The following PHF3 variants were observed in gnomAD, a reference collection of about 807,000 sequenced individuals.
PHF3 encodes PHD finger protein 3.
PHF3 carries 41 observed loss-of-function variants against 178.4 expected under a neutral mutation model. That is an observed-to-expected ratio of 0.23 (90% CI 0.18 to 0.30). The LOEUF is 0.30. Ranked by LOEUF, PHF3 falls within the 10% of genes least tolerant of loss-of-function variation. PHF3 has a pLI of 1.00. For synonymous variants in PHF3, 842 were observed against 800.5 expected, an observed-to-expected ratio of 1.05 and a Z score of -0.88; for missense variants, 2,346 against 2,398.1, an observed-to-expected ratio of 0.98 and a Z score of 0.45.
rs1307689142 is a variant in PHF3, at chr6:63,722,358, C to G, written c.*8650C>G. 1.3e-5 allele frequency among the ~76,000 whole-genome samples: 2 copies of G among 151,608 alleles called. No homozygotes were observed. Among genetic ancestry groups the G allele is most frequent in the Non-Finnish European group, 3.0e-5 (2 of 67,602 alleles). ...CAGGTTTCAGATCAAGTGTCACTTC[C>G]TCAGAGAAGTTTTCCTTGATTTCCC... is the stretch of plus-strand genomic sequence containing the variant. On this transcript the variant is annotated 3_prime_UTR_variant, in exon 16 of 16. Coordinates refer to ENST00000262043, the MANE Select transcript of PHF3 (RefSeq NM_001370348.2).
intron 1 of PHF3, among the ~76,000 whole-genome samples, chr6:63,640,415 A>G (rs536151098): frequency 8.5e-5 from 13 of 152,144 alleles, no homozygotes; most frequent in Non-Finnish European, 1.5e-5. Context: ...AACTTTGCTA[A>G]ACTTTAGCCC....
chr6:63,675,601 G>A (rs1255134461), intron 2 of PHF3, among the ~76,000 whole-genome samples: 2 of 152,160 alleles, frequency 1.3e-5, no homozygotes, highest in Non-Finnish European at 2.9e-5. Flanking sequence ...AAGGAAGTGT[G>A]TTGTCAGGAG....
At chr6:63,702,777 T>G (rs1767529548) in intron 10 of PHF3, 138 bp downstream of exon 10, 1 of 829,512 alleles carries the variant, frequency 1.2e-6, no homozygotes, top group Admixed American at 2.8e-5. Context: ...ATTGGTTTAG[T>G]GGTTTTTTGA....
intron 7 of PHF3, 26 bp from the exon 8 acceptor site, chr6:63,698,423 A>G (rs1430082024): frequency 1.3e-6 from 2 of 1,585,026 alleles, no homozygotes; most frequent in East Asian, 4.5e-5. Context: ...ACATTTGAAA[A>G]ATAATTGAAT....
At chr6:63,686,301 A>AT (rs1034769366) in intron 4 of PHF3, 1 of 170,016 alleles carries the variant, frequency 5.9e-6, no homozygotes, top group African/African-American at 2.4e-5. Context: ...AACTAGTAAT[A>AT]AAGTATGAAG....
At chr6:63,701,878 T>C (rs1767492210) in intron 9 of PHF3, among the ~76,000 whole-genome samples, 1 of 152,196 alleles carries the variant, frequency 6.6e-6, no homozygotes, top group Non-Finnish European at 1.5e-5. Flanking sequence ...ATGTACCTGA[T>C]TTTTCTTTAA....
In PHF3 at chr6:63,721,616, T is replaced by G; in HGVS notation, c.*7908T>G. The G allele has an allele frequency of 6.4e-7, 1 of 1,551,460 alleles. No individual in the cohort carries two copies. The highest frequency in any genetic ancestry group is 8.7e-7 in the Non-Finnish European group (1 of 1,146,660). On this transcript the variant is annotated 3_prime_UTR_variant, in exon 16 of 16. Coordinates refer to ENST00000262043, the MANE Select transcript of PHF3 (RefSeq NM_001370348.2). ...AACTCATTTTAGTGGAGGCCTTTTC[T>G]GTTACATTTATCCCATCTAGATCCA... is the stretch of plus-strand genomic sequence containing the variant.
At chr6:63,709,486 G>GT (rs1015192595) in intron 14 of PHF3, among the ~76,000 whole-genome samples, 1 of 151,788 alleles carries the variant, frequency 6.6e-6, no homozygotes, top group Non-Finnish European at 1.5e-5. Context: ...TAGAAGAAAT[G>GT]TTTTAGAGTA....
rs750577692 is a variant in PHF3, at chr6:63,684,546, A to G, written c.824A>G (p.Glu275Gly). The G allele has an allele frequency of 1.2e-5, 20 of 1,613,550 alleles. No individual in the cohort carries two copies. The highest frequency in any genetic ancestry group is 1.1e-4 in the East Asian group (5 of 44,878). The change falls in exon 4 of 16, where the codon GAA (glutamate) becomes GGA (glycine). Residue 275 changes from glutamate (E) to glycine (G), a missense_variant. Physicochemically the swap from Glu to Gly is moderately conservative, Grantham distance 98. Around this residue, in one of 8 missense-constraint regions of PHF3, gnomAD observed 843 missense variants for 795.2 expected, o/e 1.06. Coordinates refer to ENST00000262043, the MANE Select transcript of PHF3 (RefSeq NM_001370348.2). ...IGEKKNEALM[E>G]CKAKPVGSPL... ...GAAAAGAAAAATGAAGCTTTGATGGAATGTAAAGCCAAGCCTGTTGGTAGT... is the reference window on the plus strand; with the variant it reads ...GAAAAGAAAAATGAAGCTTTGATGGGATGTAAAGCCAAGCCTGTTGGTAGT...
rs754930351 is a variant in PHF3 at position 63,711,149 on chromosome 6, T to C, written c.3802-18T>C. The C allele has an allele frequency of 1.9e-6, 3 of 1,551,322 alleles. No homozygotes were observed. The highest frequency in any genetic ancestry group is 2.6e-6 in the Non-Finnish European group (3 of 1,146,388). ...TAGCTTATTACCTTAAACAATTATT[T>C]GTTATTTTCTTGAACAGGAAATTTG... On this transcript the variant is annotated intron_variant, in intron 14 of 15. Coordinates refer to ENST00000262043, the MANE Select transcript of PHF3 (RefSeq NM_001370348.2).
chr6:63,698,867 C>T (rs1267319612), intron 8 of PHF3, among the ~76,000 whole-genome samples: 1 of 152,046 alleles, frequency 6.6e-6, no homozygotes, highest in African/African-American at 2.4e-5. Flanking sequence ...TTATATAATA[C>T]AATTTATTAA....
At chr6:63,666,721 G>C (rs1765696911) in intron 2 of PHF3, among the ~76,000 whole-genome samples, 1 of 151,176 alleles carries the variant, frequency 6.6e-6, no homozygotes, top group African/African-American at 2.4e-5. Flanking sequence ...AAAAAAGGCT[G>C]TACATGTTTC....
intron 10 of PHF3, among the ~76,000 whole-genome samples, chr6:63,703,272 A>C (rs1362770500): frequency 6.6e-6 from 1 of 152,192 alleles, no homozygotes; most frequent in Non-Finnish European, 1.5e-5. Context: ...TTATTTTCAA[A>C]AGTCAGTGAA....
At chr6:63,652,060 G>T (rs1561941818) in intron 2 of PHF3, among the ~76,000 whole-genome samples, 1 of 152,080 alleles carries the variant, frequency 6.6e-6, no homozygotes, top group Admixed American at 6.5e-5. Context: ...TATGCCCAGT[G>T]GTGGGATTGC....
intron 2 of PHF3, among the ~76,000 whole-genome samples, chr6:63,666,784 C>G (rs935840941): frequency 2.7e-5 from 4 of 149,360 alleles, no homozygotes; most frequent in Non-Finnish European, 5.9e-5. Context: ...TGGAGTCTTG[C>G]TCAGTTGCCC....
intron 11 of PHF3, among the ~76,000 whole-genome samples, chr6:63,704,419 C>T (rs1361887257): frequency 6.6e-6 from 1 of 151,504 alleles, no homozygotes; most frequent in African/African-American, 2.4e-5. Flanking sequence ...AACACCCCCA[C>T]CAGCCCCTGG....
At chr6:63,694,433 G>T (rs996972928) in intron 5 of PHF3, 148 bp from the exon 6 acceptor site, 1 of 482,024 alleles carries the variant, frequency 2.1e-6, no homozygotes, top group African/African-American at 2.0e-5. Flanking sequence ...AAGCTATTAT[G>T]TGTTCTACAC....
chr6:63,713,334 G>A lies in PHF3; in HGVS notation c.5746G>A (p.Gly1916Ser). ...GCAACTGGATAGGCCATTTAATAGG[G>A]GTAAAGGGGACCGCCAGAGATTTTA... ...QQQLDRPFNR[G>S]KGDRQRFYSD... Residue 1916 changes from glycine to serine, a missense_variant, in exon 16 of 16, where the codon GGT becomes AGT. Gly to Ser is a moderately conservative substitution (Grantham distance 56). Around this residue, in one of 8 missense-constraint regions of PHF3, gnomAD observed 839 missense variants for 806.9 expected, o/e 1.04. Coordinates refer to ENST00000262043, the MANE Select transcript of PHF3 (RefSeq NM_001370348.2). The A allele has an allele frequency of 6.2e-7, 1 of 1,613,998 alleles. No homozygotes were observed. Among genetic ancestry groups the A allele is most frequent in the South Asian group, 1.1e-5 (1 of 91,078 alleles).
At chr6:63,643,919 A>T (rs1005491543) in intron 1 of PHF3, among the ~76,000 whole-genome samples, 2 of 152,196 alleles carry the variant, frequency 1.3e-5, no homozygotes, top group Admixed American at 6.5e-5. Context: ...AACAAAAAAA[A>T]TTGCTCCTTT....
Sources: allele counts gnomAD v4.1 joint callset (sites outside exome capture counted in the v4.1 genomes callset), GRCh38; gene constraint gnomAD v4.1.1; regional missense constraint gnomAD v4.1.1; transcripts MANE v1.5; gene names NCBI Gene and HGNC (gene_info 2026-07-23, HGNC 2026-07-21).